The following PTPRK variants were observed in gnomAD, a reference collection of about 807,000 sequenced individuals.
The protein encoded by PTPRK is receptor-type tyrosine-protein phosphatase kappa.
In PTPRK, 75 loss-of-function variants were observed where a neutral mutation model predicts 178.0. The ratio of observed to expected loss-of-function variants is 0.42; its 90% CI spans 0.35 to 0.51. PTPRK has a LOEUF of 0.51. Among genes scored for constraint, PTPRK ranks in the 20% least tolerant of loss-of-function variants. The pLI, the probability that PTPRK is intolerant of heterozygous loss-of-function variation, is 0.02. For missense variants in PTPRK, 1,441 were observed against 1,797.8 expected, an observed-to-expected ratio of 0.80 and a Z score of 3.59; for synonymous variants, 637 against 620.6, an observed-to-expected ratio of 1.03 and a Z score of -0.39.
At chr6:128,500,694 T>C (rs1855430499) in intron 1 of PTPRK, 1 of 152,164 alleles carries the variant, frequency 6.6e-6, no homozygotes, top group Non-Finnish European at 1.5e-5. Context: ...TTCTGAATAT[T>C]ATTTGTCTCT....
At chr6:128,494,668 T>C (rs1474405087) in intron 1 of PTPRK, among the ~76,000 whole-genome samples, 2 of 152,210 alleles carry the variant, frequency 1.3e-5, no homozygotes, top group Admixed American at 6.5e-5. Flanking sequence ...AAATAAAATA[T>C]TACAACACTT....
rs182258470 is a variant in PTPRK at position 128,086,829 on chromosome 6, C to T, written c.1465+2861G>A. 5.7e-4 allele frequency among the ~76,000 whole-genome samples: 87 copies of T among 151,866 alleles called. 1 individual carries two copies. Among genetic ancestry groups the T allele is most frequent in the African/African-American group, 2.0e-3 (82 of 41,436 alleles). Reference sequence around the variant, plus strand: ...TATATTAAACAAAAAGAAAAAATTACGCTCATAGTAGAAGGGATTAGTTTG... The same window carrying T: ...TATATTAAACAAAAAGAAAAAATTATGCTCATAGTAGAAGGGATTAGTTTG... On this transcript the variant is annotated intron_variant, in intron 8 of 29. Transcript: ENST00000368226.
rs200372095 is a variant in PTPRK at position 127,990,849 on chromosome 6, C to T, written c.3016G>A (p.Val1006Ile). 3.0e-4 allele frequency: 478 copies of T among 1,611,302 alleles called. No homozygotes were observed. The highest frequency in any genetic ancestry group is 3.8e-4 in the Non-Finnish European group (451 of 1,177,928). ...CYKYWPDDTE[V>I]YGDFKVTCVE... is the part of the protein sequence containing the mutation. ...CACGTTACTTTGAAGTCACCATAAA[C>T]TTCAGTATCATCAGGCCAATATTTA... Residue 1006 changes from valine (V) to isoleucine (I), a missense_variant, in exon 21 of 30, where the codon GTT (valine) becomes ATT (isoleucine). Around this residue, in one of 4 missense-constraint regions of PTPRK, gnomAD observed 945 missense variants for 1,080.6 expected, o/e 0.87. Coordinates refer to ENST00000368226, the MANE Select transcript of PTPRK (RefSeq NM_002844.4).
intron 1 of PTPRK, among the ~76,000 whole-genome samples, chr6:128,515,507 T>C (rs1857856571): frequency 6.6e-6 from 1 of 152,034 alleles, no homozygotes; most frequent in Non-Finnish European, 1.5e-5. Flanking sequence ...ACCAGATACA[T>C]ATGATCAAAG....
At chr6:128,114,646 G>A (rs1037805432) in intron 7 of PTPRK, among the ~76,000 whole-genome samples, 2 of 146,780 alleles carry the variant, frequency 1.4e-5, no homozygotes, top group Admixed American at 6.8e-5. Flanking sequence ...AAAAGCTCTA[G>A]CAAGAACTCA....
At chr6:128,047,062 C>T (rs1778150058) in intron 13 of PTPRK, among the ~76,000 whole-genome samples, 1 of 152,138 alleles carries the variant, frequency 6.6e-6, no homozygotes, top group Non-Finnish European at 1.5e-5. Flanking sequence ...ACAAATTCTT[C>T]ATCAAGTAAT....
chr6:128,420,601 T>A (rs1481940291), intron 1 of PTPRK, among the ~76,000 whole-genome samples: 1 of 152,146 alleles, frequency 6.6e-6, no homozygotes, highest in Non-Finnish European at 1.5e-5. Flanking sequence ...CTGGTGGTAA[T>A]TATTAATACA....
At chr6:128,109,753 C>T (rs1018516995) in intron 7 of PTPRK, among the ~76,000 whole-genome samples, 1 of 152,134 alleles carries the variant, frequency 6.6e-6, no homozygotes, top group African/African-American at 2.4e-5. Context: ...CCAGTAACCT[C>T]TGTAGTAAAG....
intron 3 of PTPRK, among the ~76,000 whole-genome samples, chr6:128,272,829 T>C (rs146870977): frequency 3.9e-5 from 6 of 152,248 alleles, no homozygotes; most frequent in Admixed American, 1.3e-4. Context: ...GAACTAGAAA[T>C]ACCATTTGAC....
intron 1 of PTPRK, among the ~76,000 whole-genome samples, chr6:128,463,212 G>T (rs374323170): frequency 2.6e-5 from 4 of 152,230 alleles, no homozygotes; most frequent in South Asian, 4.1e-4. Flanking sequence ...TGGAAGAAAA[G>T]GTTCAGAATT....
At chr6:128,308,345 G>A (rs1263859995) in intron 3 of PTPRK, among the ~76,000 whole-genome samples, 3 of 151,700 alleles carry the variant, frequency 2.0e-5, no homozygotes, top group Non-Finnish European at 2.9e-5. Flanking sequence ...AGATTAAGTC[G>A]ATTTCCATAA....
intron 1 of PTPRK, among the ~76,000 whole-genome samples, chr6:128,431,879 T>C (rs928766541): frequency 6.6e-6 from 1 of 152,300 alleles, no homozygotes; most frequent in African/African-American, 2.4e-5. Flanking sequence ...CAGGCTGACA[T>C]TTTCATGGAA....
chr6:128,166,840 T>C (rs1174556923), intron 7 of PTPRK, among the ~76,000 whole-genome samples: 2 of 151,766 alleles, frequency 1.3e-5, no homozygotes, highest in African/African-American at 4.8e-5. Flanking sequence ...AAATTAGGAA[T>C]GATGTAAATT....
At chr6:128,355,703 G>A (rs1012884956) in intron 2 of PTPRK, among the ~76,000 whole-genome samples, 12 of 152,070 alleles carry the variant, frequency 7.9e-5, no homozygotes, top group Non-Finnish European at 1.6e-4. Flanking sequence ...GTTAAATGAC[G>A]AGTTAATGGG....
intron 13 of PTPRK, among the ~76,000 whole-genome samples, chr6:128,058,565 T>C (rs1012327459): frequency 2.0e-5 from 3 of 152,146 alleles, no homozygotes; most frequent in African/African-American, 4.8e-5. Context: ...ATATATTTAT[T>C]ACAAGTATCT....
intron 2 of PTPRK, among the ~76,000 whole-genome samples, chr6:128,331,365 T>A (rs1005610007): frequency 1.3e-5 from 2 of 152,178 alleles, no homozygotes; most frequent in African/African-American, 4.8e-5. Context: ...GAAACCTCTT[T>A]GGCCTCGCCA....
chr6:128,393,859 A>G lies in PTPRK; in HGVS notation c.223+3707T>C, dbSNP rs574834037. Reference sequence around the variant, plus strand: ...CAATTTACATTGACATATCAGATACATAAAGAAAAGTACACAACTCATCAT... The same window carrying G: ...CAATTTACATTGACATATCAGATACGTAAAGAAAAGTACACAACTCATCAT... On this transcript the variant is annotated intron_variant, in intron 2 of 29. Coordinates refer to ENST00000368226, the MANE Select transcript of PTPRK (RefSeq NM_002844.4). Among the ~76,000 whole-genome samples, 7 of 152,236 alleles carry G rather than the reference A, an allele frequency of 4.6e-5. No homozygotes were observed. The South Asian group carries it at 1.2e-3, about 27-fold the overall frequency.
At chr6:127,990,673 G>T in intron 21 of PTPRK, 96 bp downstream of exon 21, 1 of 759,816 alleles carries the variant, frequency 1.3e-6, no homozygotes, top group South Asian at 1.7e-5. Context: ...TGAATGAATG[G>T]ATTTTATAGC....
chr6:127,995,454 ATACT>A lies in PTPRK; in HGVS notation c.2844+4_2844+7del. On this transcript the variant is annotated splice_donor_5th_base_variant and intron_variant, in intron 18 of 29. Coordinates refer to ENST00000368226, the MANE Select transcript of PTPRK (RefSeq NM_002844.4). ...AAAGTAGACATACTTAACTATAAAAATACTTACATCAATATAGTTGGCATTAATA... is the reference window on the plus strand; with the variant it reads ...AAAGTAGACATACTTAACTATAAAAATACATCAATATAGTTGGCATTAATA... The A allele has an allele frequency of 6.4e-7, 1 of 1,568,530 alleles. No individual in the cohort carries two copies. Among genetic ancestry groups the A allele is most frequent in the Non-Finnish European group, 8.7e-7 (1 of 1,145,898 alleles).
Sources: gnomAD v4.1 joint callset for allele counts (sites outside exome capture counted in the v4.1 genomes callset) on GRCh38, gnomAD v4.1.1 for gene constraint, gnomAD v4.1.1 regional missense constraint, MANE v1.5 for transcripts, NCBI Gene and HGNC (gene_info 2026-07-23, HGNC 2026-07-21) for gene names.